Variants in CPED1 observed in about 807,000 individuals in gnomAD.
The protein encoded by CPED1 is cadherin like and PC-esterase domain containing 1, also known as cadherin-like and PC-esterase domain-containing protein 1.
In CPED1, 114 loss-of-function variants were observed where a neutral mutation model predicts 128.2. That is an observed-to-expected ratio of 0.89 (90% confidence interval 0.76 to 1.04). The LOEUF (loss-of-function observed/expected upper bound fraction) is 1.04, where lower values mean the gene tolerates loss of function less well. Among genes scored for constraint, CPED1 ranks in the 50% least tolerant of loss-of-function variants. CPED1 has a pLI of 0.00. For missense variants in CPED1, 1,211 were observed against 1,207.1 expected (o/e 1.00, Z -0.05); for synonymous variants, 462 against 426.7 (o/e 1.08, Z -1.02).
At chr7:121,282,967 T>G (rs554348719) in intron 22 of CPED1, among the ~76,000 whole-genome samples, 1 of 152,350 alleles carries the variant, frequency 6.6e-6, no homozygotes, top group South Asian at 2.1e-4. Flanking sequence ...AAATTTTAAT[T>G]CTACAAGATA....
chr7:121,196,690 C>T (rs911609946), intron 16 of CPED1, among the ~76,000 whole-genome samples: 7 of 152,076 alleles, frequency 4.6e-5, no homozygotes, highest in Non-Finnish European at 5.9e-5. Context: ...CAGCAGCTCT[C>T]TTATAAATGC....
At chr7:121,210,943 C>T (rs967104183) in intron 16 of CPED1, among the ~76,000 whole-genome samples, 2 of 151,428 alleles carry the variant, frequency 1.3e-5, no homozygotes, top group Admixed American at 6.6e-5. Context: ...TATTAGTATC[C>T]TACTATATAC....
At chr7:121,160,528 A>T (rs1796388983) in intron 16 of CPED1, among the ~76,000 whole-genome samples, 1 of 152,164 alleles carries the variant, frequency 6.6e-6, no homozygotes, top group African/African-American at 2.4e-5. Context: ...AAGCTTAGAG[A>T]TGACTTCAAG....
At chr7:121,248,448 G>T (rs886392927) in intron 18 of CPED1, among the ~76,000 whole-genome samples, 1 of 152,138 alleles carries the variant, frequency 6.6e-6, no homozygotes, top group Admixed American at 6.5e-5. Context: ...ATACTACAGA[G>T]CATGGCTGCA....
intron 3 of CPED1, among the ~76,000 whole-genome samples, chr7:121,032,023 C>T (rs997517669): frequency 5.3e-5 from 8 of 152,194 alleles, no homozygotes; most frequent in Admixed American, 4.6e-4. Context: ...AAAGAAAACT[C>T]TCATACATTG....
chr7:121,274,352 C>A (rs971984022), intron 22 of CPED1, among the ~76,000 whole-genome samples: 1 of 152,116 alleles, frequency 6.6e-6, no homozygotes, highest in Non-Finnish European at 1.5e-5. Context: ...ATGCTTCAAG[C>A]ATGTTCAGGT....
intron 16 of CPED1, among the ~76,000 whole-genome samples, chr7:121,221,724 G>A (rs1324053030): frequency 6.6e-6 from 1 of 152,200 alleles, no homozygotes; most frequent in Non-Finnish European, 1.5e-5. Context: ...GTGATGATGA[G>A]CATTTTTTAA....
At chr7:121,112,983 T>A (rs1795149443) in intron 7 of CPED1, among the ~76,000 whole-genome samples, 1 of 152,214 alleles carries the variant, frequency 6.6e-6, no homozygotes, top group South Asian at 2.1e-4. Flanking sequence ...GTATCTTGAC[T>A]GATGACTTCT....
At chr7:121,088,632 C>T (rs1285378620) in intron 5 of CPED1, among the ~76,000 whole-genome samples, 1 of 149,168 alleles carries the variant, frequency 6.7e-6, no homozygotes, top group African/African-American at 2.5e-5. Flanking sequence ...GCACTCCAGC[C>T]TGGGCGACGG....
chr7:121,175,364 CTA>C (rs1796751066), intron 16 of CPED1, among the ~76,000 whole-genome samples: 1 of 152,050 alleles, frequency 6.6e-6, no homozygotes, highest in Non-Finnish European at 1.5e-5. Flanking sequence ...TCATAGATGG[CTA>C]TCTCAAGAGA....
At chr7:121,003,811 C>A (rs1358318892) in intron 2 of CPED1, among the ~76,000 whole-genome samples, 1 of 152,042 alleles carries the variant, frequency 6.6e-6, no homozygotes, top group Non-Finnish European at 1.5e-5. Flanking sequence ...GCCAAGGTTG[C>A]ATGTCAGTAA....
chr7:121,223,597 T>A (rs1459619854), intron 16 of CPED1, among the ~76,000 whole-genome samples: 1 of 152,170 alleles, frequency 6.6e-6, no homozygotes, highest in Non-Finnish European at 1.5e-5. Flanking sequence ...CTGGACTTTT[T>A]TTTGGTTGGT....
intron 10 of CPED1, 97 bp downstream of exon 10, chr7:121,127,354 C>A: frequency 1.3e-6 from 1 of 749,308 alleles, no homozygotes; most frequent in Non-Finnish European, 2.2e-6. Flanking sequence ...TGATAATTCA[C>A]TTCAAATTAA....
At chr7:121,160,880 C>T (rs1001846455) in intron 16 of CPED1, among the ~76,000 whole-genome samples, 1 of 151,494 alleles carries the variant, frequency 6.6e-6, no homozygotes, top group African/African-American at 2.4e-5. Context: ...TCTCAATGCT[C>T]CAGACAACTG....
intron 22 of CPED1, among the ~76,000 whole-genome samples, chr7:121,292,163 G>C (rs1008241375): frequency 6.6e-5 from 10 of 151,464 alleles, no homozygotes; most frequent in African/African-American, 2.2e-4. Flanking sequence ...ATGTAGGCTT[G>C]GTCTTTTCAC....
At chr7:121,178,007 G>A (rs1028366725) in intron 16 of CPED1, among the ~76,000 whole-genome samples, 1 of 152,060 alleles carries the variant, frequency 6.6e-6, no homozygotes, top group African/African-American at 2.4e-5. Flanking sequence ...AAAAAGCAAT[G>A]GGGAAGTAAA....
intron 22 of CPED1, among the ~76,000 whole-genome samples, chr7:121,281,388 C>T (rs1435345811): frequency 1.3e-5 from 2 of 152,090 alleles, no homozygotes; most frequent in Non-Finnish European, 2.9e-5. Context: ...ATAATTCAAA[C>T]AATTTTTTGT....
chr7:121,064,998 T>C (rs962144852), intron 5 of CPED1, among the ~76,000 whole-genome samples: 1 of 152,186 alleles, frequency 6.6e-6, no homozygotes, highest in African/African-American at 2.4e-5. Context: ...GAAAGTTCTT[T>C]ACTACATAAT....
intron 7 of CPED1, among the ~76,000 whole-genome samples, chr7:121,117,077 T>TATATA (rs1554436996): frequency 7.8e-6 from 1 of 128,802 alleles, no homozygotes; most frequent in East Asian, 2.4e-4. Context: ...TATATACACA[T>TATATA]TATATATATA....
Sources: gnomAD v4.1 joint callset for allele counts (sites outside exome capture counted in the v4.1 genomes callset) on GRCh38, gnomAD v4.1.1 for gene constraint, MANE v1.5 for transcripts, NCBI Gene and HGNC (gene_info 2026-07-23, HGNC 2026-07-21) for gene names.